Variants in ZCCHC8 observed in about 807,000 individuals in gnomAD.
ZCCHC8 encodes the protein zinc finger CCHC-type containing 8, also known as zinc finger CCHC domain-containing protein 8.
ZCCHC8 carries 27 observed loss-of-function variants against 70.6 expected under a neutral mutation model. The observed-to-expected ratio is 0.38, with a 90% CI of 0.28 to 0.53. ZCCHC8 has a LOEUF of 0.53. ZCCHC8 is among the 20% of genes least tolerant of loss of function. ZCCHC8 has a pLI of 0.81. For synonymous variants in ZCCHC8, 293 were observed against 317.4 expected (o/e 0.92, Z 0.82); for missense variants, 737 against 876.9 (o/e 0.84, Z 2.01).
At chr12:122,478,517 T>A (rs1017821708) in intron 11 of ZCCHC8, 3 of 467,342 alleles carry the variant, frequency 6.4e-6, no homozygotes, top group Non-Finnish European at 1.2e-5. Flanking sequence ...ACACAATCAC[T>A]TGGCCAAAAA....
chr12:122,481,250 G>C (rs1957527983), intron 10 of ZCCHC8: 1 of 238,654 alleles, frequency 4.2e-6, no homozygotes, highest in Admixed American at 5.3e-5. Context: ...TATTATTACT[G>C]ACAAAGATAA....
chr12:122,481,271 G>C (rs931672149), intron 10 of ZCCHC8: 12 of 297,168 alleles, frequency 4.0e-5, no homozygotes, highest in Middle Eastern at 1.0e-3. Context: ...GAGCTTATGA[G>C]GACTGGCTGG....
intron 2 of ZCCHC8, among the ~76,000 whole-genome samples, chr12:122,498,158 C>CTTT (rs11449631): frequency 9.1e-5 from 12 of 131,208 alleles, no homozygotes; most frequent in South Asian, 2.4e-4. Flanking sequence ...ATACTGTAAT[C>CTTT]TTTTTTTTTT....
intron 11 of ZCCHC8, among the ~76,000 whole-genome samples, chr12:122,479,514 G>A (rs1272659428): frequency 6.6e-6 from 1 of 152,164 alleles, no homozygotes; most frequent in East Asian, 1.9e-4. Flanking sequence ...GGGAAAAAAG[G>A]CAAGAATAAT....
chr12:122,474,741 T>TC (rs1391692409), intron 13 of ZCCHC8, among the ~76,000 whole-genome samples: 1 of 146,106 alleles, frequency 6.8e-6, no homozygotes, highest in Admixed American at 6.9e-5. Context: ...GCTCTTTTTT[T>TC]TTTTTTTTTT....
At chr12:122,478,449 G>C (rs1957464283) in intron 11 of ZCCHC8, 157 bp from the exon 12 acceptor site, 3 of 613,876 alleles carry the variant, frequency 4.9e-6, no homozygotes, top group Non-Finnish European at 8.5e-6. Flanking sequence ...ATAATGTGTT[G>C]AAGGAAAACT....
At position 122,474,146 on chromosome 12, in the gene ZCCHC8, G is replaced by A. The variant is rs749380478; in HGVS notation, c.1475C>T (p.Thr492Ile). 4 of 1,509,892 alleles carry A rather than the reference G, an allele frequency of 2.6e-6. No individual in the cohort carries two copies. The South Asian group carries it at 4.2e-5, about 16-fold the overall frequency. The allele number at this position is 1,509,892 out of a possible 1,614,324, so 93.5% of individuals were successfully genotyped here. A position where few individuals can be genotyped will look rare whatever the true frequency, so the allele number is the denominator to read the frequency against. The change falls in exon 14 of 14, where the codon ACC becomes ATC. Residue 492 changes from threonine (T) to isoleucine (I), a missense_variant. Transcript: ENST00000633063. ...PVFTPPLPKGTPPLTPSDSPQ... is the reference protein window; with the variant it reads ...PVFTPPLPKGIPPLTPSDSPQ... Reference sequence around the variant, plus strand: ...TGAGTCACTGGGAGTCAGCGGCGGGGTGCCCTTTGGGAGTGGAGGGGTGAA... The same window carrying A: ...TGAGTCACTGGGAGTCAGCGGCGGGATGCCCTTTGGGAGTGGAGGGGTGAA...
intron 4 of ZCCHC8, among the ~76,000 whole-genome samples, chr12:122,489,903 GA>G (rs796303860): frequency 1.6e-4 from 24 of 151,370 alleles, no homozygotes; most frequent in African/African-American, 5.8e-4. Flanking sequence ...TAATCAATCA[GA>G]ACACTGTTCT....
At chr12:122,491,968 AC>A (rs1456535249) in intron 3 of ZCCHC8, 1 of 152,176 alleles carries the variant, frequency 6.6e-6, no homozygotes, top group Non-Finnish European at 1.5e-5. Context: ...TGTGCCCAGC[AC>A]CTTGCTGCTG....
chr12:122,473,480 A>T lies in ZCCHC8; in HGVS notation c.*17T>A, dbSNP rs1957351307. On this transcript the variant is annotated 3_prime_UTR_variant, in exon 14 of 14. Coordinates refer to ENST00000633063, the MANE Select transcript of ZCCHC8 (RefSeq NM_017612.5). Reference sequence around the variant, plus strand: ...GGAACAAAGTTATTAAATAGCTCTCAGTGCTAAGTCAAGCCATTATTCAGA... The same window carrying T: ...GGAACAAAGTTATTAAATAGCTCTCTGTGCTAAGTCAAGCCATTATTCAGA... The T allele has an allele frequency of 6.2e-7, 1 of 1,606,020 alleles. No homozygotes were observed.
chr12:122,484,673 G>A (rs1286229285), intron 5 of ZCCHC8, among the ~76,000 whole-genome samples: 1 of 151,716 alleles, frequency 6.6e-6, no homozygotes, highest in African/African-American at 2.4e-5. Context: ...GACTACAGGT[G>A]TTGAGCCACT....
chr12:122,500,877 C>T lies in ZCCHC8; in HGVS notation c.-37G>A. 1 of 1,547,194 alleles carries T rather than the reference C, an allele frequency of 6.5e-7. No homozygotes were observed. On this transcript the variant is annotated 5_prime_UTR_variant, in exon 1 of 14. Coordinates refer to ENST00000633063, the MANE Select transcript of ZCCHC8 (RefSeq NM_017612.5). This position sits in a 1 kb window ranked among gnomAD's most constrained non-coding sequence, Gnocchi z 4.8. ...GAAAAGATTCGAGAAGAGGCGGAGC[C>T]GGCCACCAGGGCTTGGGGAAGAAGG...
rs747742940 is a variant in ZCCHC8 at position 122,473,665 on chromosome 12, C to A, written c.1956G>T (p.Thr652=). 15 of 1,613,910 alleles carry A rather than the reference C, an allele frequency of 9.3e-6. No individual in the cohort carries two copies. In the Admixed American group the frequency reaches 2.3e-4, roughly 25 times the overall value. Residue 652 remains threonine, a synonymous_variant, in exon 14 of 14, where the codon ACG becomes ACT. Coordinates refer to ENST00000633063, the MANE Select transcript of ZCCHC8 (RefSeq NM_017612.5). ...GTATAGGGCTATGAATTTTAGTGGC[C>A]GTTGAAGGACTGGTGTCTGCAGGAA... ...KLFPADTSPS[T]ATKIHSPIPD...
Position 122,481,619 on chromosome 12 carries a change from T to G in ZCCHC8, c.921A>C (p.Pro307=), listed in dbSNP as rs1244597761. The stretch of plus-strand genomic sequence containing the variant: ...GCTGGCGCATCCGATAGATAAAAGG[T>G]GGAAGACTCTTGTCTGTCACACCTA... ...DALGVTDKSL[P]PFIYRMRQLG... The change falls in exon 10 of 14, where the codon CCA becomes CCC. Residue 307 remains proline, a synonymous_variant. Transcript: ENST00000633063. 6.2e-7 allele frequency: 1 copy of G among 1,613,910 alleles called. No homozygotes were observed. The highest frequency in any genetic ancestry group is 1.7e-5 in the Admixed American group (1 of 60,024).
At chr12:122,497,703 ATC>A (rs1451886266) in intron 2 of ZCCHC8, among the ~76,000 whole-genome samples, 1 of 152,132 alleles carries the variant, frequency 6.6e-6, no homozygotes, top group Non-Finnish European at 1.5e-5. Context: ...TACCAGTAAT[ATC>A]TCTGTTAAAG....
chr12:122,490,055 C>T (rs183701780), intron 4 of ZCCHC8, among the ~76,000 whole-genome samples: 8 of 150,700 alleles, frequency 5.3e-5, no homozygotes, highest in Admixed American at 3.3e-4. Flanking sequence ...AACATAAATG[C>T]GTGATCTAAT....
rs1252187019 is a variant in ZCCHC8 at position 122,500,814 on chromosome 12, A to G, written c.27T>C (p.Asp9=). ...GGTCGAACGGCTCGAAGAGCTCTAG[A>G]TCGCCAAAATACACCTCTGCGGCCA... MAAEVYFG[D]LELFEPFDHP... The change falls in exon 1 of 14, where the codon GAT becomes GAC. Residue 9 remains aspartate, a synonymous_variant. Coordinates refer to ENST00000633063, the MANE Select transcript of ZCCHC8 (RefSeq NM_017612.5). The surrounding 1 kb of genome is among the most constrained non-coding windows in gnomAD (Gnocchi z 4.8). 1 of 1,577,482 alleles carries G rather than the reference A, an allele frequency of 6.3e-7. No individual in the cohort carries two copies. The highest frequency in any genetic ancestry group is 2.3e-5 in the East Asian group (1 of 42,660).
At chr12:122,484,509 C>A (rs927075782) in intron 5 of ZCCHC8, among the ~76,000 whole-genome samples, 1 of 150,932 alleles carries the variant, frequency 6.6e-6, no homozygotes, top group Admixed American at 6.6e-5. Context: ...AAGTCCTGGG[C>A]TAAAATGATC....
At chr12:122,496,602 GTTTAT>G (rs1050487287) in intron 2 of ZCCHC8, among the ~76,000 whole-genome samples, 5 of 152,020 alleles carry the variant, frequency 3.3e-5, no homozygotes, top group African/African-American at 7.2e-5. Flanking sequence ...TCAAAATTTA[GTTTAT>G]TTTATTAAGC....
Sources: allele counts gnomAD v4.1 joint callset (sites outside exome capture counted in the v4.1 genomes callset), GRCh38; gene constraint gnomAD v4.1.1; non-coding constraint Gnocchi (gnomAD v3.1); transcripts MANE v1.5; gene names NCBI Gene and HGNC (gene_info 2026-07-23, HGNC 2026-07-21).